Variants in SPHKAP observed in about 807,000 individuals in gnomAD.
The protein encoded by SPHKAP is A-kinase anchor protein SPHKAP.
A neutral mutation model predicts 137.5 loss-of-function variants in SPHKAP; 67 were observed. The observed-to-expected ratio is 0.49, with a 90% CI of 0.40 to 0.60. The LOEUF (loss-of-function observed/expected upper bound fraction) is 0.60. Ranked by LOEUF, SPHKAP falls within the 20% of genes least tolerant of loss-of-function variation. The pLI, the probability that SPHKAP is intolerant of heterozygous loss-of-function variation, is 0.00. For synonymous variants in SPHKAP, 813 were observed against 785.3 expected (o/e 1.04, Z -0.59); for missense variants, 2,097 against 2,069.3 (o/e 1.01, Z -0.26).
intron 1 of SPHKAP, among the ~76,000 whole-genome samples, chr2:228,163,094 G>A (rs1228235450): frequency 6.6e-6 from 1 of 152,184 alleles, no homozygotes; most frequent in Admixed American, 6.5e-5. Context: ...AAGCACTGGG[G>A]CTCTCAGACA....
intron 3 of SPHKAP, among the ~76,000 whole-genome samples, chr2:228,068,231 A>G (rs1041829774): frequency 1.3e-5 from 2 of 152,190 alleles, no homozygotes; most frequent in African/African-American, 4.8e-5. Context: ...TATAAAGGAC[A>G]CACTAAAAAT....
intron 1 of SPHKAP, among the ~76,000 whole-genome samples, chr2:228,159,670 G>T (rs1379925222): frequency 1.3e-5 from 2 of 152,166 alleles, no homozygotes; most frequent in Non-Finnish European, 2.9e-5. Flanking sequence ...AGAAAATGGA[G>T]ATCTGGGCCT....
chr2:227,999,969 T>C (rs765434983), intron 7 of SPHKAP, among the ~76,000 whole-genome samples: 1 of 152,240 alleles, frequency 6.6e-6, no homozygotes, highest in African/African-American at 2.4e-5. Flanking sequence ...TAGGGTTCAC[T>C]CTTGATGTTG....
intron 6 of SPHKAP, 22 bp from the exon 7 acceptor site, chr2:228,020,178 G>T (rs746036472): frequency 1.3e-6 from 2 of 1,552,508 alleles, no homozygotes; most frequent in Non-Finnish European, 8.6e-7. Flanking sequence ...AAAATGAGGG[G>T]CACTATTACT....
intron 2 of SPHKAP, among the ~76,000 whole-genome samples, chr2:228,111,703 T>C (rs1698522880): frequency 6.6e-6 from 1 of 152,146 alleles, no homozygotes; most frequent in Non-Finnish European, 1.5e-5. Context: ...GGAATTATTA[T>C]AAAGATACAA....
chr2:228,090,486 T>C lies in SPHKAP; in HGVS notation c.246+18346A>G, dbSNP rs144275839. 8.1e-4 allele frequency among the ~76,000 whole-genome samples: 124 copies of C among 152,246 alleles called. 2 individuals carry two copies. The East Asian group carries it at 0.02, about 25-fold the overall frequency. ...GTTGATGCTGAAATGAGTTGAGACT[T>C]TTGGGGACTATTGGAAAGTGATGAT... On this transcript the variant is annotated intron_variant, in intron 3 of 11. Transcript: ENST00000392056.
In SPHKAP at chr2:228,096,465, C is replaced by T. The variant is rs75201854; in HGVS notation, c.246+12367G>A. Among the ~76,000 whole-genome samples, 553 of 152,166 alleles carry T rather than the reference C, an allele frequency of 3.6e-3. 4 individuals are homozygous for T. Among genetic ancestry groups the T allele is most frequent in the African/African-American group, 0.013 (532 of 41,508 alleles). ...AAGCCCCTCTCCCTGCCCTTGAGCA[C>T]GCTAATATCTCCTGCATATTCAAGT... On this transcript the variant is annotated intron_variant, in intron 3 of 11. Transcript: ENST00000392056.
At chr2:228,174,468 C>T (rs1262067036) in intron 1 of SPHKAP, among the ~76,000 whole-genome samples, 1 of 152,114 alleles carries the variant, frequency 6.6e-6, no homozygotes, top group Non-Finnish European at 1.5e-5. Context: ...TAACATTAGA[C>T]TTTGAGTTTG....
At chr2:228,064,676 T>A (rs2106292292) in intron 3 of SPHKAP, among the ~76,000 whole-genome samples, 1 of 152,104 alleles carries the variant, frequency 6.6e-6, no homozygotes, top group African/African-American at 2.4e-5. Flanking sequence ...TGGGAAAGAG[T>A]ATTTCAGGAA....
chr2:228,116,624 A>C (rs930073348), intron 2 of SPHKAP, among the ~76,000 whole-genome samples: 3 of 152,190 alleles, frequency 2.0e-5, no homozygotes. Flanking sequence ...TAATCCTGTC[A>C]GAAACTAAGC....
At chr2:228,010,058 T>G (rs187504586) in intron 7 of SPHKAP, among the ~76,000 whole-genome samples, 15 of 152,292 alleles carry the variant, frequency 9.8e-5, no homozygotes, top group South Asian at 8.3e-4. Context: ...CTCACCTCAT[T>G]GTGCCCACTG....
intron 1 of SPHKAP, among the ~76,000 whole-genome samples, chr2:228,151,543 C>T (rs1408995734): frequency 1.3e-5 from 2 of 152,094 alleles, no homozygotes; most frequent in Non-Finnish European, 2.9e-5. Flanking sequence ...GTTTACAGTC[C>T]CGTTAACATT....
chr2:228,080,158 C>T (rs1359592742), intron 3 of SPHKAP, among the ~76,000 whole-genome samples: 1 of 151,816 alleles, frequency 6.6e-6, no homozygotes, highest in Non-Finnish European at 1.5e-5. Context: ...TTCTGCACCG[C>T]CAAGGAAACA....
intron 3 of SPHKAP, among the ~76,000 whole-genome samples, chr2:228,088,195 T>G (rs1489391849): frequency 1.3e-5 from 2 of 152,172 alleles, no homozygotes; most frequent in Non-Finnish European, 2.9e-5. Context: ...TTCCTCTCTA[T>G]TCTTTTCTTG....
At chr2:228,061,523 T>C (rs1696632489) in intron 3 of SPHKAP, among the ~76,000 whole-genome samples, 1 of 152,054 alleles carries the variant, frequency 6.6e-6, no homozygotes, top group Admixed American at 6.6e-5. Context: ...CTGCCTGTCT[T>C]GGCCTCCCAA....
intron 1 of SPHKAP, among the ~76,000 whole-genome samples, chr2:228,159,381 G>A (rs1000717672): frequency 1.3e-5 from 2 of 152,062 alleles, no homozygotes; most frequent in African/African-American, 4.8e-5. Context: ...CTTATCTAAA[G>A]GAAAAGTAAA....
At position 228,012,371 on chromosome 2, in the gene SPHKAP, G is replaced by C. The variant is rs548690635; in HGVS notation, c.4448+4035C>G. Among the ~76,000 whole-genome samples the C allele has an allele frequency of 2.0e-5, 3 of 151,906 alleles. No homozygotes were observed. In the South Asian group the frequency reaches 6.2e-4, roughly 32 times the overall value. On this transcript the variant is annotated intron_variant, in intron 7 of 11. Coordinates refer to ENST00000392056, the MANE Select transcript of SPHKAP (RefSeq NM_001142644.2). ...AGGATTTCTAGGTGATTCATAGTGGGAACATTTTTCGGGCTGGCTAGATCA... is the reference window on the plus strand; with the variant it reads ...AGGATTTCTAGGTGATTCATAGTGGCAACATTTTTCGGGCTGGCTAGATCA...
chr2:228,039,296 A>G (rs1695751057), intron 3 of SPHKAP, among the ~76,000 whole-genome samples: 1 of 152,214 alleles, frequency 6.6e-6, no homozygotes, highest in South Asian at 2.1e-4. Context: ...CTGCTCTTCT[A>G]TCACTATTAT....
chr2:228,084,624 CATTG>C (rs1257490443), intron 3 of SPHKAP, among the ~76,000 whole-genome samples: 4 of 152,094 alleles, frequency 2.6e-5, no homozygotes, highest in Non-Finnish European at 5.9e-5. Flanking sequence ...AAATGTTCAC[CATTG>C]ATTAATTTTG....
Sources: allele counts gnomAD v4.1 joint callset (sites outside exome capture counted in the v4.1 genomes callset), GRCh38; gene constraint gnomAD v4.1.1; transcripts MANE v1.5; gene names NCBI Gene and HGNC (gene_info 2026-07-23, HGNC 2026-07-21).